The following SLC27A5 variants were observed in gnomAD, a reference collection of about 807,000 sequenced individuals.
SLC27A5 encodes long-chain fatty acid transport protein 5.
Under a neutral mutation model 63.1 loss-of-function variants are expected in SLC27A5, and 47 were observed. That is an observed-to-expected ratio of 0.74 (90% confidence interval 0.59 to 0.95). SLC27A5 has a LOEUF of 0.95. SLC27A5 is among the 40% of genes least tolerant of loss of function. The pLI, the probability that SLC27A5 is intolerant of heterozygous loss-of-function variation, is 0.00. For missense variants in SLC27A5, 940 were observed against 921.0 expected, an observed-to-expected ratio of 1.02 and a Z score of -0.27; for synonymous variants, 391 against 403.8, an observed-to-expected ratio of 0.97 and a Z score of 0.38.
intron 1 of SLC27A5, 131 bp from the exon 2 acceptor site, chr19:58,511,061 A>T: frequency 1.1e-6 from 1 of 930,968 alleles, no homozygotes. Context: ...TTGGTAAAGA[A>T]TCCCATCATT....
rs777020403 is a variant in SLC27A5, at chr19:58,499,154, T to C, written c.1734A>G (p.Gln578=). Residue 578 remains glutamine, a synonymous_variant, in exon 8 of 10, where the codon CAA becomes CAG. Coordinates refer to ENST00000263093, the MANE Select transcript of SLC27A5 (RefSeq NM_012254.3). ...EGVLSQVDFL[Q]QVNVYGVCVP... ...CGCACACGCCATACACGTTAACCTG[T>C]TGCAAGAAGTCCACCTGCGACAACA... is the stretch of plus-strand genomic sequence containing the variant. The C allele has an allele frequency of 2.5e-6, 4 of 1,614,098 alleles. No homozygotes were observed. Among genetic ancestry groups the C allele is most frequent in the South Asian group, 2.2e-5 (2 of 91,088 alleles).
chr19:58,509,837 G>T lies in SLC27A5; in HGVS notation c.1057+10C>A, dbSNP rs761593254. On this transcript the variant is annotated intron_variant, in intron 3 of 9. Transcript: ENST00000263093. The stretch of plus-strand genomic sequence containing the variant: ...CTGTAGACTGGAGGGATCCTCAGAA[G>T]TGGGCTTACCGAGATCTAAGCAGCC... The T allele has an allele frequency of 5.0e-6, 8 of 1,608,434 alleles. No homozygotes were observed. Among genetic ancestry groups the T allele is most frequent in the Non-Finnish European group, 5.9e-6 (7 of 1,177,064 alleles).
chr19:58,503,817 A>AC (rs1274371762), intron 3 of SLC27A5, among the ~76,000 whole-genome samples: 3 of 152,090 alleles, frequency 2.0e-5, no homozygotes, highest in African/African-American at 7.2e-5. Flanking sequence ...AAACAAACAA[A>AC]AAAACAGCCA....
Position 58,498,380 on chromosome 19 carries a change from T to C in SLC27A5, c.*135A>G, listed in dbSNP as rs1600025006. 1 of 855,814 alleles carries C rather than the reference T, an allele frequency of 1.2e-6. No individual in the cohort carries two copies. The highest frequency in any genetic ancestry group is 2.7e-5 in the East Asian group (1 of 37,398). 53.0% of individuals were successfully genotyped at this position (855,814 alleles called of 1,614,324 possible). ...ATTCTGCCACTGCTACAGGGCCCAC[T>C]GTCATTTCCAGCCCACTGAGGTTGA... On this transcript the variant is annotated 3_prime_UTR_variant, in exon 10 of 10. Coordinates refer to ENST00000263093, the MANE Select transcript of SLC27A5 (RefSeq NM_012254.3).
chr19:58,500,764 C>A, intron 4 of SLC27A5, 58 bp from the exon 5 acceptor site: 1 of 1,584,612 alleles, frequency 6.3e-7, no homozygotes. Flanking sequence ...TGCCTTGGAA[C>A]CTTTACCTAG....
Position 58,511,709 on chromosome 19 carries a change from C to T in SLC27A5, c.247G>A (p.Gly83Arg). The T allele has an allele frequency of 1.3e-6, 2 of 1,561,786 alleles. No individual in the cohort carries two copies. Among genetic ancestry groups the T allele is most frequent in the Non-Finnish European group, 1.7e-6 (2 of 1,152,646 alleles). Reference protein sequence around the residue: ...LTLLPARLPPGLRWLPADVIF... With the variant: ...LTLLPARLPPRLRWLPADVIF... Reference sequence around the variant, plus strand: ...ACATCAGCCGGCAGCCAGCGTAGTCCTGGGGGCAGCCGTGCTGGCAGGAGG... The same window carrying T: ...ACATCAGCCGGCAGCCAGCGTAGTCTTGGGGGCAGCCGTGCTGGCAGGAGG... The change falls in exon 1 of 10, where the codon GGA becomes AGA. Residue 83 changes from glycine to arginine, a missense_variant. Physicochemically the swap from Gly to Arg is moderately radical, Grantham distance 125 (BLOSUM62 -2). Transcript: ENST00000263093.
At chr19:58,507,541 A>T (rs2053361041) in intron 3 of SLC27A5, 1 of 152,176 alleles carries the variant, frequency 6.6e-6, no homozygotes, top group Non-Finnish European at 1.5e-5. Flanking sequence ...ACAATGTGAA[A>T]TCAGCGCACA....
At position 58,511,878 on chromosome 19, in the gene SLC27A5, T is replaced by C. The variant is rs1483819065; in HGVS notation, c.78A>G (p.Pro26=). ...AGCGCAGGGTCAAGGCCACAGCGAC[T>C]GGCCACACTGGCTGCCCCAGGCCCC... The part of the protein sequence containing the change: ...LLWGLGQPVW[P]VAVALTLRWL... Residue 26 remains proline, a synonymous_variant, in exon 1 of 10, where the codon CCA becomes CCG. Coordinates refer to ENST00000263093, the MANE Select transcript of SLC27A5 (RefSeq NM_012254.3). 19 of 1,550,858 alleles carry C rather than the reference T, an allele frequency of 1.2e-5. No individual in the cohort carries two copies. Among genetic ancestry groups the C allele is most frequent in the African/African-American group, 2.7e-5 (2 of 73,018 alleles).
intron 2 of SLC27A5, 148 bp downstream of exon 2, chr19:58,510,573 C>CA: frequency 1.4e-6 from 1 of 727,796 alleles, no homozygotes; most frequent in Admixed American, 3.2e-5. Context: ...GACTCTGCCT[C>CA]GAAAAAAAAA....
chr19:58,511,779 C>A lies in SLC27A5; in HGVS notation c.177G>T (p.Trp59Cys). Reference protein sequence around the residue: ...AMLARPWLGPWVPHGLSLAAA... With the variant: ...AMLARPWLGPCVPHGLSLAAA... ...CTGCCAGGCTCAGCCCATGGGGCAC[C>A]CAGGGGCCGAGCCAGGGCCGTGCTA... is the stretch of plus-strand genomic sequence containing the variant. Residue 59 changes from tryptophan to cysteine, a missense_variant, in exon 1 of 10, where the codon TGG becomes TGT. Transcript: ENST00000263093. The A allele has an allele frequency of 6.4e-7, 1 of 1,553,648 alleles. No individual in the cohort carries two copies. The highest frequency in any genetic ancestry group is 1.2e-5 in the South Asian group (1 of 84,502).
At position 58,498,450 on chromosome 19, in the gene SLC27A5, A is replaced by T. The variant is rs2053233382; in HGVS notation, c.*65T>A. 4.7e-6 allele frequency: 7 copies of T among 1,500,276 alleles called. No homozygotes were observed. The highest frequency in any genetic ancestry group is 6.3e-6 in the Non-Finnish European group (7 of 1,108,720). The allele number at this position is 1,500,276 out of a possible 1,614,324, so 92.9% of individuals were successfully genotyped here. On this transcript the variant is annotated 3_prime_UTR_variant, in exon 10 of 10. Transcript: ENST00000263093. ...TTCACACAGGCCCAGGATGAAAGGG[A>T]CACCGAGTGTGTTGGGGTGGGGGTG...
rs376730282 is a variant in SLC27A5 at position 58,511,795 on chromosome 19, G to A, written c.161C>T (p.Pro54Leu). ...ATGGGGCACCCAGGGGCCGAGCCAG[G>A]GCCGTGCTAACATGGCCAGCCCAAG... ...VLLGLAMLARPWLGPWVPHGL... is the reference protein window; with the variant it reads ...VLLGLAMLARLWLGPWVPHGL... The change falls in exon 1 of 10, where the codon CCC becomes CTC. Residue 54 changes from proline (P) to leucine (L), a missense_variant. Pro to Leu is a moderately conservative substitution (Grantham distance 98). Transcript: ENST00000263093. The A allele has an allele frequency of 3.2e-6, 5 of 1,555,386 alleles. No homozygotes were observed. Among genetic ancestry groups the A allele is most frequent in the Non-Finnish European group, 3.5e-6 (4 of 1,149,982 alleles).
At position 58,507,514 on chromosome 19, in the gene SLC27A5, G is replaced by A. The variant is rs2053360817; in HGVS notation, c.1057+2333C>T. 2.0e-5 allele frequency: 3 copies of A among 152,246 alleles called. No homozygotes were observed. In the South Asian group the frequency reaches 6.2e-4, roughly 32 times the overall value. 9.4% of individuals were successfully genotyped at this position (152,246 alleles called of 1,614,324 possible). A position where few individuals can be genotyped will look rare whatever the true frequency, so the allele number is the denominator to read the frequency against. On this transcript the variant is annotated intron_variant, in intron 3 of 9. Coordinates refer to ENST00000263093, the MANE Select transcript of SLC27A5 (RefSeq NM_012254.3). The stretch of plus-strand genomic sequence containing the variant: ...ATTGTGTTAACTGTACAAATTGATT[G>A]TAAAATGTGTGTTTGAACAATGTGA...
In SLC27A5 at chr19:58,500,417, AG is replaced by A; in HGVS notation, c.1389del (p.Phe464LeufsTer14). On this transcript the variant is annotated frameshift_variant, in exon 6 of 10. Transcript: ENST00000263093. LOFTEE classifies it high-confidence loss of function. The stretch of plus-strand genomic sequence containing the variant: ...TCCATGTCGAACTGCACCAGCTCAA[AG>A]GGGGACAGCATCTGGGGTGGAGGGT... ...KMSCLLRMLS[P>X]FELVQFDMEA... The A allele has an allele frequency of 6.2e-7, 1 of 1,613,742 alleles. No homozygotes were observed. Among genetic ancestry groups the A allele is most frequent in the Non-Finnish European group, 8.5e-7 (1 of 1,179,992 alleles).
At chr19:58,501,463 G>C (rs927119444) in intron 3 of SLC27A5, 53 bp from the exon 4 acceptor site, 1 of 1,594,902 alleles carries the variant, frequency 6.3e-7, no homozygotes. Flanking sequence ...ATTGTTGTAA[G>C]AAGCTGCTTT....
chr19:58,507,286 A>C (rs2053358466), intron 3 of SLC27A5: 1 of 152,466 alleles, frequency 6.6e-6, no homozygotes, highest in Admixed American at 6.6e-5. Flanking sequence ...ACAAGTGCTC[A>C]CCACTGTTGC....
intron 3 of SLC27A5, among the ~76,000 whole-genome samples, chr19:58,506,102 T>C (rs2053343760): frequency 6.6e-6 from 1 of 151,968 alleles, no homozygotes; most frequent in South Asian, 2.1e-4. Flanking sequence ...GGCTTTTTTT[T>C]TTTTTTAACA....
At chr19:58,503,790 AAAAC>A (rs139457320) in intron 3 of SLC27A5, among the ~76,000 whole-genome samples, 27,013 of 151,950 alleles carry the variant, frequency 0.18, 2,476 homozygotes, top group African/African-American at 0.21. Context: ...TTAATTGTTA[AAAAC>A]AAACAAACAA....
chr19:58,498,919 G>T lies in SLC27A5; in HGVS notation c.1766-4C>A. On this transcript the variant is annotated splice_polypyrimidine_tract_variant and splice_region_variant and intron_variant, in intron 8 of 9. Transcript: ENST00000263093. ...ATGCCCACCTTACCCTCACAACCTA[G>T]AGAGCAGTCTGGTCACTCTCGGCTG... is the stretch of plus-strand genomic sequence containing the variant. 6.2e-7 allele frequency: 1 copy of T among 1,611,000 alleles called. No individual in the cohort carries two copies. The highest frequency in any genetic ancestry group is 8.5e-7 in the Non-Finnish European group (1 of 1,179,460).
Sources: allele counts gnomAD v4.1 joint callset (sites outside exome capture counted in the v4.1 genomes callset), GRCh38; gene constraint gnomAD v4.1.1; transcripts MANE v1.5; gene names NCBI Gene and HGNC (gene_info 2026-07-23, HGNC 2026-07-21).